The following CDK14 variants were observed in gnomAD, a reference collection of about 807,000 sequenced individuals.
CDK14 encodes the protein cyclin dependent kinase 14, also known as cyclin-dependent kinase 14.
A neutral mutation model predicts 60.7 loss-of-function variants in CDK14; 34 were observed. That is an observed-to-expected ratio of 0.56 (90% CI 0.43 to 0.75). The LOEUF is 0.75. CDK14 is among the 30% of genes least tolerant of loss of function. The pLI, the probability that CDK14 is intolerant of heterozygous loss-of-function variation, is 0.00. For missense variants in CDK14, 482 were observed against 564.1 expected, an observed-to-expected ratio of 0.85 and a Z score of 1.47; for synonymous variants, 197 against 203.7, an observed-to-expected ratio of 0.97 and a Z score of 0.28.
chr7:90,832,025 G>A (rs7786545), intron 5 of CDK14, among the ~76,000 whole-genome samples: 108,963 of 151,706 alleles, frequency 0.72, 39,345 homozygotes, highest in East Asian at 0.89. Flanking sequence ...CTGCTCAAGA[G>A]ATTACCTCCT....
Position 90,621,613 on chromosome 7 carries a change from T to TTTCCTTCC in CDK14, c.123+17414_123+17421dup, listed in dbSNP as rs3835010. Among the ~76,000 whole-genome samples the TTTCCTTCC allele has an allele frequency of 9.4e-3, 1,211 of 128,254 alleles. 16 individuals are homozygous for TTTCCTTCC. Among genetic ancestry groups the TTTCCTTCC allele is most frequent in the Non-Finnish European group, 0.014 (828 of 60,652 alleles). 84.1% of individuals were successfully genotyped at this position (128,254 alleles called of 152,430 possible). A position where few individuals can be genotyped will look rare whatever the true frequency, so the allele number is the denominator to read the frequency against. ...ATTTGTTCCCATAATTCAGACTTTTTTTCCTTCCTTCCTTCCTTCCTTCCT... is the reference window on the plus strand; with the variant it reads ...ATTTGTTCCCATAATTCAGACTTTTTTTCCTTCCTTCCTTCCTTCCTTCCTTCCTTCCT... On this transcript the variant is annotated intron_variant, in intron 2 of 14. Coordinates refer to ENST00000380050, the MANE Select transcript of CDK14 (RefSeq NM_001287135.2).
At position 90,606,513 on chromosome 7, in the gene CDK14, C is replaced by T. The variant is rs574903430; in HGVS notation, c.123+2264C>T. ...ATTGATGCTTTCACTTTGACATCCACCTTCTGTAGTTGGAAGGGCTACAGA... is the reference window on the plus strand; with the variant it reads ...ATTGATGCTTTCACTTTGACATCCATCTTCTGTAGTTGGAAGGGCTACAGA... On this transcript the variant is annotated intron_variant, in intron 2 of 14. Transcript: ENST00000380050. 3.3e-5 allele frequency among the ~76,000 whole-genome samples: 5 copies of T among 152,258 alleles called. No homozygotes were observed. In the East Asian group the frequency reaches 9.6e-4, roughly 29 times the overall value.
intron 6 of CDK14, among the ~76,000 whole-genome samples, chr7:90,896,903 A>G (rs1031525484): frequency 2.0e-5 from 3 of 152,148 alleles, no homozygotes; most frequent in Non-Finnish European, 2.9e-5. Context: ...TGTCTCATAC[A>G]TTGTCAGTTT....
At chr7:90,599,461 C>T (rs1799268143) in intron 1 of CDK14, among the ~76,000 whole-genome samples, 1 of 152,196 alleles carries the variant, frequency 6.6e-6, no homozygotes, top group Non-Finnish European at 1.5e-5. Flanking sequence ...GGTGGAATTA[C>T]CCTAAAGCCC....
chr7:91,045,686 C>T (rs1193937993), intron 10 of CDK14, among the ~76,000 whole-genome samples: 1 of 152,132 alleles, frequency 6.6e-6, no homozygotes, highest in Non-Finnish European at 1.5e-5. Flanking sequence ...TGTCTTACCA[C>T]ATTCAGCTGT....
Position 91,147,162 on chromosome 7 carries a change from T to A in CDK14, c.*28+28954T>A, listed in dbSNP as rs796399373. Among the ~76,000 whole-genome samples, 903 of 124,742 alleles carry A rather than the reference T, an allele frequency of 7.2e-3. 16 individuals are homozygous for A. The highest frequency in any genetic ancestry group is 0.023 in the South Asian group (80 of 3,434). 81.8% of individuals were successfully genotyped at this position (124,742 alleles called of 152,430 possible). A position where few individuals can be genotyped will look rare whatever the true frequency, so the allele number is the denominator to read the frequency against. ...CTCTGTCTCTCTCTCTCTCTCTCTC[T>A]CACACACACACACACACACACACAC... On this transcript the variant is annotated intron_variant, in intron 14 of 14. Coordinates refer to ENST00000380050, the MANE Select transcript of CDK14 (RefSeq NM_001287135.2).
chr7:90,840,208 G>A (rs1166581887), intron 5 of CDK14, among the ~76,000 whole-genome samples: 5 of 152,104 alleles, frequency 3.3e-5, no homozygotes, highest in Non-Finnish European at 5.9e-5. Context: ...TTGTTTCAAA[G>A]CCCTGTTTAA....
chr7:90,890,079 C>T lies in CDK14; in HGVS notation c.640-9212C>T, dbSNP rs186267103. Among the ~76,000 whole-genome samples the T allele has an allele frequency of 5.9e-5, 9 of 152,286 alleles. No homozygotes were observed. The East Asian group carries it at 1.5e-3, about 26-fold the overall frequency. On this transcript the variant is annotated intron_variant, in intron 6 of 14. Coordinates refer to ENST00000380050, the MANE Select transcript of CDK14 (RefSeq NM_001287135.2). ...TGTTTGTTATTCACTGTTTTGAAAA[C>T]GGACTCCTCTAGGCCAGGCATGATG...
chr7:90,940,745 C>T (rs979554401), intron 8 of CDK14, among the ~76,000 whole-genome samples: 3 of 151,924 alleles, frequency 2.0e-5, no homozygotes, highest in Non-Finnish European at 2.9e-5. Context: ...GTGATTGTGC[C>T]ACTGCCCTCC....
intron 5 of CDK14, among the ~76,000 whole-genome samples, chr7:90,862,427 T>A (rs371913050): frequency 1.3e-5 from 2 of 152,264 alleles, no homozygotes; most frequent in African/African-American, 4.8e-5. Context: ...GGACATTACT[T>A]ATTGATAAAA....
At chr7:91,000,922 A>C (rs1211212413) in intron 10 of CDK14, among the ~76,000 whole-genome samples, 4 of 152,222 alleles carry the variant, frequency 2.6e-5, no homozygotes, top group Admixed American at 1.3e-4. Context: ...CTTCGCTGGA[A>C]TAAAATTTAT....
chr7:91,117,981 T>C, intron 13 of CDK14, 84 bp from the exon 14 acceptor site: 3 of 740,350 alleles, frequency 4.1e-6, no homozygotes, highest in Non-Finnish European at 6.6e-6. Context: ...CAAACTTGCA[T>C]CTCAGTCTCC....
intron 4 of CDK14, among the ~76,000 whole-genome samples, chr7:90,755,679 G>A (rs964984138): frequency 6.6e-6 from 1 of 151,890 alleles, no homozygotes; most frequent in Non-Finnish European, 1.5e-5. Flanking sequence ...GCATGATAAG[G>A]GATAAAAAAC....
chr7:91,130,056 T>C (rs1249047841), intron 14 of CDK14, among the ~76,000 whole-genome samples: 2 of 152,202 alleles, frequency 1.3e-5, no homozygotes, highest in African/African-American at 4.8e-5. Context: ...TGTTGAGTTT[T>C]GTTGTACTGT....
chr7:91,061,618 A>G (rs913441232), intron 11 of CDK14, among the ~76,000 whole-genome samples: 4 of 152,166 alleles, frequency 2.6e-5, no homozygotes, highest in Non-Finnish European at 5.9e-5. Context: ...TCCTTCTAAC[A>G]GTCAGGACCC....
At chr7:90,935,848 G>A (rs1428523687) in intron 8 of CDK14, among the ~76,000 whole-genome samples, 1 of 151,986 alleles carries the variant, frequency 6.6e-6, no homozygotes, top group Non-Finnish European at 1.5e-5. Flanking sequence ...CAGGAGTTTA[G>A]GATCAGCCTG....
At chr7:90,659,367 C>A (rs113861144) in intron 2 of CDK14, among the ~76,000 whole-genome samples, 1 of 152,260 alleles carries the variant, frequency 6.6e-6, no homozygotes, top group Non-Finnish European at 1.5e-5. Context: ...TATGTTCAGA[C>A]CCCAAAGGGT....
chr7:90,695,278 C>G (rs1029297879), intron 2 of CDK14, among the ~76,000 whole-genome samples: 1 of 152,162 alleles, frequency 6.6e-6, no homozygotes, highest in African/African-American at 2.4e-5. Flanking sequence ...GCCTTGAAAT[C>G]CCCTGACATT....
chr7:90,813,100 T>G (rs1382989056), intron 5 of CDK14, among the ~76,000 whole-genome samples: 2 of 152,212 alleles, frequency 1.3e-5, no homozygotes, highest in Admixed American at 6.5e-5. Context: ...TGATAACATG[T>G]TTGAACCTCA....
Sources: allele counts gnomAD v4.1 joint callset (sites outside exome capture counted in the v4.1 genomes callset), GRCh38; gene constraint gnomAD v4.1.1; transcripts MANE v1.5; gene names NCBI Gene and HGNC (gene_info 2026-07-23, HGNC 2026-07-21).